Variants in PUS10 observed in about 807,000 individuals in gnomAD.
PUS10 encodes tRNA pseudouridine synthase Pus10.
Under a neutral mutation model 75.0 loss-of-function variants are expected in PUS10, and 59 were observed. The observed-to-expected ratio is 0.79, with a 90% CI of 0.64 to 0.98. The LOEUF is 0.98. Ranked by LOEUF, PUS10 falls within the 50% of genes least tolerant of loss-of-function variation. PUS10 has a pLI of 0.00. For synonymous variants in PUS10, 219 were observed against 211.6 expected, an observed-to-expected ratio of 1.03 and a Z score of -0.30; for missense variants, 650 against 614.4, an observed-to-expected ratio of 1.06 and a Z score of -0.61.
intron 4 of PUS10, among the ~76,000 whole-genome samples, chr2:60,980,105 G>GA (rs1677290260): frequency 2.0e-5 from 3 of 152,146 alleles, no homozygotes; most frequent in Admixed American, 6.5e-5. Context: ...TTACAATAAA[G>GA]AAAAGGCTCT....
chr2:61,018,177 T>C lies in PUS10; in HGVS notation c.-185A>G, dbSNP rs1259564747. ...ACTTTGACAGAATGGCTTCTCTATC[T>C]TTAAAGCGTAGACTTTGGTCTGTAG... On this transcript the variant is annotated 5_prime_UTR_variant, in exon 1 of 18. Coordinates refer to ENST00000316752, the MANE Select transcript of PUS10 (RefSeq NM_144709.4). 1 of 1,550,724 alleles carries C rather than the reference T, an allele frequency of 6.4e-7. No homozygotes were observed. The highest frequency in any genetic ancestry group is 1.4e-5 in the African/African-American group (1 of 73,030).
intron 4 of PUS10, among the ~76,000 whole-genome samples, chr2:61,004,628 C>CAAAAAAAAAAAAAAAAAAAA (rs70959883): frequency 3.0e-5 from 2 of 67,280 alleles, no homozygotes; most frequent in Non-Finnish European, 5.6e-5. Flanking sequence ...GACTCCGTCT[C>CAAAAAAAAAAAAAAAAAAAA]AAAAAAAAAA....
At chr2:60,953,167 A>T in intron 14 of PUS10, 53 bp from the exon 15 acceptor site, 1 of 990,406 alleles carries the variant, frequency 1.0e-6, no homozygotes, top group Non-Finnish European at 1.6e-6. Context: ...ATACAAAAAA[A>T]CCTTGCCCTG....
intron 15 of PUS10, among the ~76,000 whole-genome samples, chr2:60,950,592 T>C (rs1675275819): frequency 6.6e-6 from 1 of 152,146 alleles, no homozygotes; most frequent in Non-Finnish European, 1.5e-5. Context: ...TAATTTTTTG[T>C]ATTTTCAGTA....
chr2:61,007,494 C>A (rs751934628), intron 3 of PUS10, among the ~76,000 whole-genome samples: 1 of 151,664 alleles, frequency 6.6e-6, no homozygotes, highest in Non-Finnish European at 1.5e-5. Flanking sequence ...GAAGGTCGGG[C>A]GTGGTGGCTC....
intron 4 of PUS10, among the ~76,000 whole-genome samples, chr2:61,000,613 C>T (rs1678790624): frequency 6.6e-6 from 1 of 152,172 alleles, no homozygotes; most frequent in Non-Finnish European, 1.5e-5. Flanking sequence ...TCAGAATAAA[C>T]ATTACATCTC....
At chr2:60,999,838 G>A (rs1425317369) in intron 4 of PUS10, among the ~76,000 whole-genome samples, 1 of 152,146 alleles carries the variant, frequency 6.6e-6, no homozygotes, top group Non-Finnish European at 1.5e-5. Flanking sequence ...GATCTGTACT[G>A]AGCAGGTACA....
intron 1 of PUS10, among the ~76,000 whole-genome samples, chr2:61,013,875 A>C (rs1301130880): frequency 6.6e-6 from 1 of 152,092 alleles, no homozygotes; most frequent in African/African-American, 2.4e-5. Context: ...AAATACAAAA[A>C]TTAGTTGGGT....
At chr2:60,990,107 G>A (rs1055087466) in intron 4 of PUS10, among the ~76,000 whole-genome samples, 5 of 151,942 alleles carry the variant, frequency 3.3e-5, no homozygotes, top group African/African-American at 1.2e-4. Flanking sequence ...TGTTTAACAA[G>A]AATAGGATCC....
intron 15 of PUS10, 40 bp downstream of exon 15, chr2:60,952,957 C>T: frequency 9.0e-7 from 1 of 1,105,256 alleles, no homozygotes; most frequent in Non-Finnish European, 1.4e-6. Context: ...TGATAGGCAA[C>T]AGAAAAATGA....
chr2:60,992,413 G>A (rs1228802064), intron 4 of PUS10, among the ~76,000 whole-genome samples: 3 of 152,174 alleles, frequency 2.0e-5, no homozygotes, highest in Non-Finnish European at 2.9e-5. Context: ...TAGGGCATGA[G>A]TGCACATGCC....
Position 60,942,277 on chromosome 2 carries a change from GATCCAAATAGTTTTCA to G in PUS10, c.*102_*117del. The G allele has an allele frequency of 1.3e-6, 1 of 799,350 alleles. No homozygotes were observed. 49.5% of individuals were successfully genotyped at this position (799,350 alleles called of 1,614,324 possible). On this transcript the variant is annotated 3_prime_UTR_variant, in exon 18 of 18. Coordinates refer to ENST00000316752, the MANE Select transcript of PUS10 (RefSeq NM_144709.4). The stretch of plus-strand genomic sequence containing the variant: ...AATTAACAATTATATAGATCAACAT[GATCCAAATAGTTTTCA>G]AGACACCGTTATGGTGGGTAAACAG...
At chr2:60,960,818 T>C (rs1023649921) in intron 10 of PUS10, among the ~76,000 whole-genome samples, 5 of 140,666 alleles carry the variant, frequency 3.6e-5, no homozygotes, top group African/African-American at 1.3e-4. Context: ...AAACAAGTTA[T>C]ATAATATTAT....
At chr2:60,945,455 A>G (rs955493614) in intron 16 of PUS10, among the ~76,000 whole-genome samples, 2 of 152,186 alleles carry the variant, frequency 1.3e-5, no homozygotes, top group Non-Finnish European at 2.9e-5. Flanking sequence ...TTTCTATGTT[A>G]TTATCTTGTT....
intron 2 of PUS10, chr2:61,010,585 A>G (rs1393323360): frequency 4.3e-6 from 2 of 460,078 alleles, no homozygotes; most frequent in Admixed American, 7.0e-5. Flanking sequence ...TCGGCCTCCC[A>G]AAGTGCTAGG....
At chr2:60,975,111 C>G (rs1371827080) in intron 4 of PUS10, among the ~76,000 whole-genome samples, 4 of 152,148 alleles carry the variant, frequency 2.6e-5, no homozygotes, top group Non-Finnish European at 5.9e-5. Context: ...TTTATTAGAG[C>G]CTTATTTCAA....
chr2:60,999,225 C>T (rs1678683240), intron 4 of PUS10, among the ~76,000 whole-genome samples: 1 of 152,106 alleles, frequency 6.6e-6, no homozygotes, highest in South Asian at 2.1e-4. Flanking sequence ...CCCATAAATA[C>T]AAATTTAGCC....
chr2:60,957,001 G>GA (rs1675714348), intron 11 of PUS10, among the ~76,000 whole-genome samples: 1 of 105,148 alleles, frequency 9.5e-6, no homozygotes, highest in African/African-American at 4.1e-5. Context: ...AAAAAAAAAA[G>GA]AAAGAAAAAA....
intron 11 of PUS10, 54 bp downstream of exon 11, chr2:60,960,338 T>C (rs1675944576): frequency 3.1e-6 from 4 of 1,299,452 alleles, no homozygotes; most frequent in Admixed American, 6.1e-5. Flanking sequence ...AGCAAGCCCC[T>C]ATCTCAAAAA....
Sources: allele counts gnomAD v4.1 joint callset (sites outside exome capture counted in the v4.1 genomes callset), GRCh38; gene constraint gnomAD v4.1.1; transcripts MANE v1.5; gene names NCBI Gene and HGNC (gene_info 2026-07-23, HGNC 2026-07-21).